The following RNF180 variants were observed in gnomAD, a reference collection of about 807,000 sequenced individuals.
RNF180 encodes the protein E3 ubiquitin-protein ligase RNF180.
A neutral mutation model predicts 59.2 loss-of-function variants in RNF180; 38 were observed. The ratio of observed to expected loss-of-function variants is 0.64; its 90% confidence interval spans 0.50 to 0.84. The LOEUF is 0.84. RNF180 is among the 40% of genes least tolerant of loss of function. The pLI is 0.00. For missense variants in RNF180, 705 were observed against 700.9 expected (o/e 1.01, Z -0.07); for synonymous variants, 262 against 240.3 (o/e 1.09, Z -0.84).
chr5:64,368,550 G>C lies in RNF180; in HGVS notation c.1580-1065G>C, dbSNP rs140146991. Among the ~76,000 whole-genome samples, 512 of 151,230 alleles carry C rather than the reference G, an allele frequency of 3.4e-3. 2 individuals carry two copies. Among genetic ancestry groups the C allele is most frequent in the African/African-American group, 0.011 (464 of 41,414 alleles). On this transcript the variant is annotated intron_variant, in intron 7 of 7. Transcript: ENST00000389100. Reference sequence around the variant, plus strand: ...CTGCCTTTAATGCACTGAACTAGAAGAGGCTACTCATCTGACAAAGGGCTA... The same window carrying C: ...CTGCCTTTAATGCACTGAACTAGAACAGGCTACTCATCTGACAAAGGGCTA...
At chr5:64,189,403 A>C (rs1579960097) in intron 1 of RNF180, among the ~76,000 whole-genome samples, 1 of 152,206 alleles carries the variant, frequency 6.6e-6, no homozygotes, top group Non-Finnish European at 1.5e-5. Flanking sequence ...GATTCTGGTG[A>C]AGTCTCAGAC....
At chr5:64,319,927 A>C (rs935994638) in intron 5 of RNF180, among the ~76,000 whole-genome samples, 2 of 152,252 alleles carry the variant, frequency 1.3e-5, no homozygotes, top group African/African-American at 4.8e-5. Context: ...TATTCATTAA[A>C]ATGATCTGAA....
chr5:64,218,809 T>G (rs1360733984), intron 5 of RNF180, among the ~76,000 whole-genome samples: 1 of 152,198 alleles, frequency 6.6e-6, no homozygotes, highest in Non-Finnish European at 1.5e-5. Flanking sequence ...AAGTATTTTT[T>G]CTTTTGAGAG....
At chr5:64,174,001 A>G (rs955968341) in intron 1 of RNF180, among the ~76,000 whole-genome samples, 2 of 152,282 alleles carry the variant, frequency 1.3e-5, no homozygotes, top group African/African-American at 4.8e-5. Flanking sequence ...GGCGTGAGCC[A>G]CCACACCTGG....
chr5:64,317,597 T>TACAC (rs750376789), intron 5 of RNF180, among the ~76,000 whole-genome samples: 23 of 123,878 alleles, frequency 1.9e-4, no homozygotes, highest in Middle Eastern at 3.9e-3. Context: ...TACATATTTA[T>TACAC]ACACACACAC....
intron 7 of RNF180, among the ~76,000 whole-genome samples, chr5:64,364,608 G>C (rs548697071): frequency 7.5e-4 from 113 of 151,676 alleles, no homozygotes; most frequent in African/African-American, 2.6e-3. Flanking sequence ...TTGGGAAGGA[G>C]TCTCTCCTCA....
intron 7 of RNF180, among the ~76,000 whole-genome samples, chr5:64,360,344 G>A (rs938456188): frequency 2.6e-5 from 4 of 151,682 alleles, no homozygotes; most frequent in Non-Finnish European, 5.9e-5. Flanking sequence ...TGCAGAAAAA[G>A]CCTTTGACAA....
At chr5:64,207,706 C>T (rs559361812) in intron 2 of RNF180, among the ~76,000 whole-genome samples, 1 of 151,972 alleles carries the variant, frequency 6.6e-6, no homozygotes, top group Non-Finnish European at 1.5e-5. Flanking sequence ...TTTTTCAATT[C>T]ATTGTGACCT....
At chr5:64,328,597 G>A (rs1047720869) in intron 6 of RNF180, among the ~76,000 whole-genome samples, 1 of 152,170 alleles carries the variant, frequency 6.6e-6, no homozygotes, top group East Asian at 1.9e-4. Context: ...ATGCTGGTTC[G>A]TGGGTGTGCA....
At chr5:64,253,035 G>A (rs1347048310) in intron 5 of RNF180, among the ~76,000 whole-genome samples, 2 of 152,022 alleles carry the variant, frequency 1.3e-5, no homozygotes, top group African/African-American at 4.8e-5. Flanking sequence ...AGAGAATCCT[G>A]AAACTATTTA....
intron 5 of RNF180, among the ~76,000 whole-genome samples, chr5:64,261,591 T>C (rs758970552): frequency 6.6e-6 from 1 of 152,188 alleles, no homozygotes; most frequent in Non-Finnish European, 1.5e-5. Flanking sequence ...GAAAAAAATA[T>C]CTCTTATCAC....
At chr5:64,369,136 A>G (rs1746561574) in intron 7 of RNF180, among the ~76,000 whole-genome samples, 1 of 152,082 alleles carries the variant, frequency 6.6e-6, no homozygotes, top group South Asian at 2.1e-4. Flanking sequence ...AGCCATAAAA[A>G]ATGATGAGTT....
At chr5:64,365,854 C>T (rs1224120123) in intron 7 of RNF180, among the ~76,000 whole-genome samples, 2 of 151,428 alleles carry the variant, frequency 1.3e-5, no homozygotes, top group Non-Finnish European at 3.0e-5. Flanking sequence ...TTATTTTGAG[C>T]TTATAGGTGT....
At chr5:64,294,270 CT>C (rs1306568057) in intron 5 of RNF180, among the ~76,000 whole-genome samples, 1 of 152,126 alleles carries the variant, frequency 6.6e-6, no homozygotes, top group African/African-American at 2.4e-5. Flanking sequence ...AGGGTAAATG[CT>C]TGAGGGGATG....
intron 2 of RNF180, among the ~76,000 whole-genome samples, chr5:64,202,694 C>T (rs2934801): frequency 1 from 152,306 of 152,316 alleles, 76,148 homozygotes; most frequent in Middle Eastern, 1. Flanking sequence ...TATATCATTA[C>T]AGCTTTAATT....
chr5:64,349,958 ATTTCTAATT>A (rs1423236871), intron 7 of RNF180, among the ~76,000 whole-genome samples: 7 of 150,090 alleles, frequency 4.7e-5, no homozygotes, highest in African/African-American at 1.7e-4. Flanking sequence ...TACCCAGTGT[ATTTCTAATT>A]CTAGATCCTT....
intron 5 of RNF180, among the ~76,000 whole-genome samples, chr5:64,228,638 T>C (rs985756672): frequency 3.9e-5 from 6 of 152,174 alleles, no homozygotes; most frequent in Non-Finnish European, 7.3e-5. Flanking sequence ...CAGATGTTAT[T>C]TTCTGTTCTA....
intron 7 of RNF180, among the ~76,000 whole-genome samples, chr5:64,340,716 G>A (rs193280157): frequency 7.7e-4 from 118 of 152,264 alleles, no homozygotes; most frequent in African/African-American, 2.8e-3. Context: ...TGCAAATTCT[G>A]AACTTGTTCT....
intron 1 of RNF180, among the ~76,000 whole-genome samples, chr5:64,191,255 G>A (rs1018809893): frequency 7.2e-5 from 11 of 152,100 alleles, no homozygotes; most frequent in African/African-American, 9.7e-5. Flanking sequence ...TATCATTAAC[G>A]TTTTGTATTA....
Sources: allele counts gnomAD v4.1 joint callset (sites outside exome capture counted in the v4.1 genomes callset), GRCh38; gene constraint gnomAD v4.1.1; transcripts MANE v1.5; gene names NCBI Gene and HGNC (gene_info 2026-07-23, HGNC 2026-07-21).